Variants in DAPK1 observed in about 807,000 individuals in gnomAD.
The protein encoded by DAPK1 is death-associated protein kinase 1.
In DAPK1, 56 loss-of-function variants were observed where a neutral mutation model predicts 144.9. That is an observed-to-expected ratio of 0.39 (90% CI 0.31 to 0.48). DAPK1 has a LOEUF of 0.48. Among genes scored for constraint, DAPK1 ranks in the 20% least tolerant of loss-of-function variants. The probability of loss-of-function intolerance (pLI) is 0.95; values close to 1 mark genes in which losing one functional copy is unlikely to be tolerated. For missense variants in DAPK1, 1,454 were observed against 1,875.4 expected (o/e 0.78, Z 4.15); for synonymous variants, 690 against 749.0 (o/e 0.92, Z 1.29).
chr9:87,554,770 G>T (rs1490404473), intron 2 of DAPK1, among the ~76,000 whole-genome samples: 6 of 152,222 alleles, frequency 3.9e-5, no homozygotes, highest in African/African-American at 1.2e-4. Flanking sequence ...GAGGGAGGAA[G>T]CTGATGCTGT....
At chr9:87,572,503 G>C (rs1827396772) in intron 2 of DAPK1, among the ~76,000 whole-genome samples, 1 of 152,132 alleles carries the variant, frequency 6.6e-6, no homozygotes, top group Non-Finnish European at 1.5e-5. Flanking sequence ...TTGGAGGTGG[G>C]GCCTGGTGGG....
intron 3 of DAPK1, chr9:87,633,507 T>A: frequency 2.8e-6 from 1 of 357,856 alleles, no homozygotes. Flanking sequence ...TCATAACAAG[T>A]TGAGATTTGA....
chr9:87,534,701 G>C (rs373235538), intron 2 of DAPK1, among the ~76,000 whole-genome samples: 1 of 150,480 alleles, frequency 6.6e-6, no homozygotes, highest in South Asian at 2.1e-4. Flanking sequence ...CTGGAGTGTA[G>C]TGGCGCGATC....
At chr9:87,678,831 T>G (rs1824500890) in intron 19 of DAPK1, among the ~76,000 whole-genome samples, 1 of 152,160 alleles carries the variant, frequency 6.6e-6, no homozygotes, top group African/African-American at 2.4e-5. Flanking sequence ...GGAACTAAAA[T>G]GCCACCTCAG....
intron 3 of DAPK1, among the ~76,000 whole-genome samples, chr9:87,620,645 C>T (rs942385469): frequency 2.0e-5 from 3 of 147,944 alleles, no homozygotes; most frequent in Non-Finnish European, 4.5e-5. Context: ...AGGAGGAGGA[C>T]TGGGAGTAGG....
At chr9:87,499,206 G>T in intron 2 of DAPK1, 67 bp downstream of exon 2, 1 of 1,342,250 alleles carries the variant, frequency 7.5e-7, no homozygotes, top group East Asian at 2.3e-5. Flanking sequence ...GCCATTGGGT[G>T]GTAAACAAAT....
chr9:87,522,013 C>T (rs900722364), intron 2 of DAPK1, among the ~76,000 whole-genome samples: 1 of 152,206 alleles, frequency 6.6e-6, no homozygotes, highest in Non-Finnish European at 1.5e-5. Flanking sequence ...CATGCGATGC[C>T]CTCTGCCACG....
At chr9:87,541,599 T>G (rs1826058589) in intron 2 of DAPK1, among the ~76,000 whole-genome samples, 1 of 151,484 alleles carries the variant, frequency 6.6e-6, no homozygotes, top group African/African-American at 2.4e-5. Context: ...CTGTTGTAGT[T>G]TAGACTCTGT....
chr9:87,647,253 T>C (rs779451268), intron 13 of DAPK1, 52 bp from the exon 14 acceptor site: 161 of 1,418,884 alleles, frequency 1.1e-4, no homozygotes, highest in Non-Finnish European at 1.5e-4. Flanking sequence ...AATGCATGCA[T>C]CTGGTGCTGT....
chr9:87,607,201 G>GGA (rs553228693), intron 3 of DAPK1, among the ~76,000 whole-genome samples: 3 of 152,170 alleles, frequency 2.0e-5, no homozygotes, highest in East Asian at 3.9e-4. Context: ...GTGGCTCCTG[G>GGA]GAGACAGCAG....
rs993641273 is a variant in DAPK1, at chr9:87,498,675, A to G, written c.-108-295A>G. On this transcript the variant is annotated intron_variant, in intron 1 of 25. Transcript: ENST00000408954. The stretch of plus-strand genomic sequence containing the variant: ...GTGGGCATGTGTGCAGAGAAAGGGG[A>G]GGCGGGGAGGCCAGTCACTTCCGGA... 1,520 of 385,542 alleles carry G rather than the reference A, an allele frequency of 3.9e-3. 11 individuals are homozygous for G. The highest frequency in any genetic ancestry group is 3.1e-3 in the Non-Finnish European group (682 of 217,148). The allele number at this position is 385,542 out of a possible 1,614,324, so 23.9% of individuals were successfully genotyped here. A position where few individuals can be genotyped will look rare whatever the true frequency, so the allele number is the denominator to read the frequency against.
At chr9:87,562,735 C>T (rs1470357345) in intron 2 of DAPK1, among the ~76,000 whole-genome samples, 1 of 152,162 alleles carries the variant, frequency 6.6e-6, no homozygotes, top group Non-Finnish European at 1.5e-5. Context: ...AGCACACTGT[C>T]CAGAAGGAAA....
chr9:87,670,671 C>T (rs768920483), intron 19 of DAPK1, among the ~76,000 whole-genome samples: 4 of 152,178 alleles, frequency 2.6e-5, no homozygotes, highest in Admixed American at 6.5e-5. Context: ...GCTCACACAG[C>T]GCCAGCACTT....
At chr9:87,574,370 T>C (rs912192576) in intron 2 of DAPK1, among the ~76,000 whole-genome samples, 2 of 152,170 alleles carry the variant, frequency 1.3e-5, no homozygotes, top group East Asian at 1.9e-4. Flanking sequence ...CTCCACCTCA[T>C]TGGGGTCTTA....
In DAPK1 at chr9:87,587,163, T is replaced by C. The variant is rs942317790; in HGVS notation, c.63-17791T>C. ...GGGCAGATGGGGCCAGTCTGGAAGC[T>C]GGCAGGCAGCTTCCCTGGCAGGAAA... On this transcript the variant is annotated intron_variant, in intron 2 of 25. Coordinates refer to ENST00000408954, the MANE Select transcript of DAPK1 (RefSeq NM_004938.4). Among the ~76,000 whole-genome samples, 6 of 152,254 alleles carry C rather than the reference T, an allele frequency of 3.9e-5. No individual in the cohort carries two copies. The East Asian group carries it at 9.6e-4, about 24-fold the overall frequency.
chr9:87,561,409 C>G (rs1366446132), intron 2 of DAPK1, among the ~76,000 whole-genome samples: 1 of 151,928 alleles, frequency 6.6e-6, no homozygotes, highest in South Asian at 2.1e-4. Flanking sequence ...GCCTGTGGTC[C>G]CAGCTACTCG....
At chr9:87,566,222 C>T (rs974950486) in intron 2 of DAPK1, among the ~76,000 whole-genome samples, 1 of 151,988 alleles carries the variant, frequency 6.6e-6, no homozygotes, top group Non-Finnish European at 1.5e-5. Flanking sequence ...GGGGTTTCAC[C>T]ATGTTAGCCA....
intron 2 of DAPK1, among the ~76,000 whole-genome samples, chr9:87,596,468 T>C (rs567489183): frequency 6.6e-6 from 1 of 152,022 alleles, no homozygotes; most frequent in South Asian, 2.1e-4. Context: ...GGTCTTTGAG[T>C]TTTGTTGTTT....
chr9:87,646,475 A>G lies in DAPK1; in HGVS notation c.1146A>G (p.Pro382=), dbSNP rs745543927. 14 of 1,613,678 alleles carry G rather than the reference A, an allele frequency of 8.7e-6. No individual in the cohort carries two copies. In the East Asian group the frequency reaches 2.9e-4, roughly 33 times the overall value. The change falls in exon 13 of 26, where the codon CCA becomes CCG. Residue 382 remains proline (P), a synonymous_variant. Coordinates refer to ENST00000408954, the MANE Select transcript of DAPK1 (RefSeq NM_004938.4). ...GCCTATTCTAGCACGGGACACCTCC[A>G]TTACTCATTGCTGCTGGCTGTGGGA... ...VNQPNKHGTP[P]LLIAAGCGNI... is the part of the protein sequence containing the mutation.
Sources: gnomAD v4.1 joint callset for allele counts (sites outside exome capture counted in the v4.1 genomes callset) on GRCh38, gnomAD v4.1.1 for gene constraint, MANE v1.5 for transcripts, NCBI Gene and HGNC (gene_info 2026-07-23, HGNC 2026-07-21) for gene names.